MTARC2: variants seen among roughly 807,000 people sequenced by gnomAD.
MTARC2 encodes the protein MOCO sulphurase C-terminal domain containing 2.
In MTARC2, 27 loss-of-function variants were observed where a neutral mutation model predicts 35.6. The observed-to-expected ratio is 0.76, with a 90% CI of 0.56 to 1.04. The LOEUF is 1.04. Among genes scored for constraint, MTARC2 ranks in the 50% least tolerant of loss-of-function variants. The probability of loss-of-function intolerance (pLI) is 0.00; values close to 1 mark genes in which losing one functional copy is unlikely to be tolerated. For missense variants in MTARC2, 412 were observed against 432.5 expected (o/e 0.95, Z 0.42); for synonymous variants, 158 against 167.1 (o/e 0.95, Z 0.42).
chr1:220,772,774 G>A (rs1162392915), intron 4 of MTARC2, among the ~76,000 whole-genome samples: 1 of 152,064 alleles, frequency 6.6e-6, no homozygotes, highest in East Asian at 1.9e-4. Flanking sequence ...CCAATTGCGG[G>A]AACCATGGCA....
Position 220,764,715 on chromosome 1 carries a change from G to A in MTARC2, c.750+1665G>A, listed in dbSNP as rs191352929. ...GAGGTGGGAGGATGGCTTGAGCCCC[G>A]GGCCGGAGATTGTGCCACTGCACTC... On this transcript the variant is annotated intron_variant, in intron 4 of 7. Coordinates refer to ENST00000366913, the MANE Select transcript of MTARC2 (RefSeq NM_017898.5). Among the ~76,000 whole-genome samples the A allele has an allele frequency of 2.3e-4, 35 of 151,978 alleles. No individual in the cohort carries two copies. In the South Asian group the frequency reaches 4.0e-3, roughly 17 times the overall value.
intron 3 of MTARC2, 152 bp downstream of exon 3, chr1:220,761,972 AG>A: frequency 1.3e-6 from 1 of 773,758 alleles, no homozygotes; most frequent in African/African-American, 1.8e-5. Flanking sequence ...GCCTAGGCAG[AG>A]GTACCAGGGG....
In MTARC2 at chr1:220,780,182, C is replaced by A. The variant is rs201177313; in HGVS notation, c.827C>A (p.Thr276Lys). 6.2e-7 allele frequency: 1 copy of A among 1,612,614 alleles called. No individual in the cohort carries two copies. Among genetic ancestry groups the A allele is most frequent in the South Asian group, 1.1e-5 (1 of 90,888 alleles). The change falls in exon 6 of 8, where the codon ACG (threonine) becomes AAG (lysine). Residue 276 changes from threonine to lysine, a missense_variant. Thr to Lys is a moderately conservative substitution (Grantham distance 78, BLOSUM62 -1). Transcript: ENST00000366913. ...VMACPRCILTTVDPDTGVIDR... is the reference protein window; with the variant it reads ...VMACPRCILTKVDPDTGVIDR... Reference sequence around the variant, plus strand: ...CTGCATAACAGGTGTATTTTGACAACGGTGGACCCAGACACTGGAGTCATA... The same window carrying A: ...CTGCATAACAGGTGTATTTTGACAAAGGTGGACCCAGACACTGGAGTCATA...
intron 1 of MTARC2, among the ~76,000 whole-genome samples, chr1:220,749,427 CTTTTTTTTTT>C (rs60380640): frequency 2.7e-4 from 27 of 98,710 alleles, no homozygotes; most frequent in Non-Finnish European, 4.0e-4. Flanking sequence ...ATGCCTTCTT[CTTTTTTTTTT>C]TTTTTTTTTT....
chr1:220,749,691 A>G (rs1198729289), intron 1 of MTARC2, among the ~76,000 whole-genome samples: 1 of 152,050 alleles, frequency 6.6e-6, no homozygotes, highest in Non-Finnish European at 1.5e-5. Flanking sequence ...TCGGCCTCCT[A>G]AAGTGCTGGG....
intron 4 of MTARC2, 47 bp downstream of exon 4, chr1:220,763,097 G>A (rs777375018): frequency 1.4e-5 from 23 of 1,613,646 alleles, no homozygotes; most frequent in South Asian, 7.7e-5. Flanking sequence ...TGTGCTGCTC[G>A]CGGTGCTAAG....
intron 1 of MTARC2, among the ~76,000 whole-genome samples, chr1:220,751,531 A>C (rs1022727696): frequency 9.2e-5 from 14 of 152,164 alleles, no homozygotes; most frequent in African/African-American, 3.4e-4. Flanking sequence ...CCAGGGTGTT[A>C]TTCCCTGCCC....
chr1:220,748,897 A>C, intron 1 of MTARC2, 94 bp downstream of exon 1: 2 of 1,370,698 alleles, frequency 1.5e-6, no homozygotes, highest in Non-Finnish European at 1.9e-6. Flanking sequence ...GAAGGACTAT[A>C]GAGGTTTGCC....
At chr1:220,764,345 A>G (rs913506495) in intron 4 of MTARC2, among the ~76,000 whole-genome samples, 1 of 152,108 alleles carries the variant, frequency 6.6e-6, no homozygotes, top group Non-Finnish European at 1.5e-5. Flanking sequence ...CACCTGCTTC[A>G]GCCTCCCAAA....
intron 7 of MTARC2, among the ~76,000 whole-genome samples, chr1:220,783,482 A>G (rs57298117): frequency 0.12 from 17,550 of 152,188 alleles, 1,543 homozygotes; most frequent in East Asian, 0.24. Flanking sequence ...TGTTCTCTGC[A>G]TCTGAGGGAG....
At chr1:220,769,265 G>C (rs1671667936) in intron 4 of MTARC2, among the ~76,000 whole-genome samples, 1 of 152,180 alleles carries the variant, frequency 6.6e-6, no homozygotes, top group Admixed American at 6.5e-5. Context: ...GGTTCCTTCC[G>C]CACAGCCTCA....
intron 4 of MTARC2, among the ~76,000 whole-genome samples, chr1:220,769,579 G>A (rs1671678128): frequency 6.6e-6 from 1 of 152,278 alleles, no homozygotes; most frequent in African/African-American, 2.4e-5. Flanking sequence ...ACTGGCAGGA[G>A]TTGCGGATGT....
At chr1:220,768,259 A>C (rs924787287) in intron 4 of MTARC2, among the ~76,000 whole-genome samples, 1 of 152,240 alleles carries the variant, frequency 6.6e-6, no homozygotes, top group African/African-American at 2.4e-5. Flanking sequence ...GTGGAATAAA[A>C]GATATCAGAG....
At chr1:220,754,436 A>G in intron 1 of MTARC2, 1 of 456,330 alleles carries the variant, frequency 2.2e-6, no homozygotes, top group Non-Finnish European at 4.4e-6. Flanking sequence ...TGCCGCGGCA[A>G]GTTAAACAGA....
chr1:220,748,518 G>GC lies in MTARC2; in HGVS notation c.-11dup. 5 of 1,384,006 alleles carry GC rather than the reference G, an allele frequency of 3.6e-6. No individual in the cohort carries two copies. The highest frequency in any genetic ancestry group is 3.7e-6 in the Non-Finnish European group (4 of 1,078,858). 85.7% of individuals were successfully genotyped at this position (1,384,006 alleles called of 1,614,324 possible). On this transcript the variant is annotated 5_prime_UTR_variant, in exon 1 of 8. Coordinates refer to ENST00000366913, the MANE Select transcript of MTARC2 (RefSeq NM_017898.5). ...CGGGTCTGTGCGCCGGTCCGCGCCCGCCCTCGCTCTGCCATGGGCGCTTCC... is the reference window on the plus strand; with the variant it reads ...CGGGTCTGTGCGCCGGTCCGCGCCCGCCCCTCGCTCTGCCATGGGCGCTTCC...
intron 7 of MTARC2, 94 bp from the exon 8 acceptor site, chr1:220,783,825 A>G: frequency 2.8e-6 from 2 of 714,128 alleles, no homozygotes; most frequent in Non-Finnish European, 5.2e-6. Flanking sequence ...TTATATGTGT[A>G]ACCTCAATAA....
intron 4 of MTARC2, among the ~76,000 whole-genome samples, chr1:220,772,683 G>GGT (rs374751849): frequency 3.4e-5 from 5 of 147,956 alleles, no homozygotes; most frequent in African/African-American, 7.8e-5. Flanking sequence ...CTCTGGGCAG[G>GGT]GTGTGTGTGT....
At chr1:220,756,044 G>A (rs776528616) in intron 2 of MTARC2, among the ~76,000 whole-genome samples, 4 of 152,234 alleles carry the variant, frequency 2.6e-5, no homozygotes, top group Non-Finnish European at 4.4e-5. Flanking sequence ...TCTGAAGTGT[G>A]TGGTTGAGAT....
chr1:220,775,260 C>T (rs1265541102), intron 4 of MTARC2, among the ~76,000 whole-genome samples: 2 of 151,572 alleles, frequency 1.3e-5, no homozygotes, highest in Non-Finnish European at 2.9e-5. Flanking sequence ...ATAGCAAATC[C>T]TCAGGATTAT....
Sources: allele counts gnomAD v4.1 joint callset (sites outside exome capture counted in the v4.1 genomes callset), GRCh38; gene constraint gnomAD v4.1.1; transcripts MANE v1.5; gene names NCBI Gene and HGNC (gene_info 2026-07-23, HGNC 2026-07-21).